LRBA: variants seen among roughly 807,000 people sequenced by gnomAD.
LRBA encodes the protein LPS responsive beige-like anchor protein, also known as lipopolysaccharide-responsive and beige-like anchor protein.
LRBA carries 176 observed loss-of-function variants against 330.0 expected under a neutral mutation model. The ratio of observed to expected loss-of-function variants is 0.53; its 90% confidence interval spans 0.47 to 0.60. The LOEUF (loss-of-function observed/expected upper bound fraction) is 0.60. Among genes scored for constraint, LRBA ranks in the 20% least tolerant of loss-of-function variants. The pLI, the probability that LRBA is intolerant of heterozygous loss-of-function variation, is 0.00. For synonymous variants in LRBA, 1,230 were observed against 1,193.0 expected (o/e 1.03, Z -0.64); for missense variants, 3,259 against 3,444.8 (o/e 0.95, Z 1.35).
At chr4:150,697,922 C>G (rs1024200369) in intron 36 of LRBA, among the ~76,000 whole-genome samples, 5 of 151,898 alleles carry the variant, frequency 3.3e-5, no homozygotes, top group Non-Finnish European at 5.9e-5. Flanking sequence ...AATTTCTGTA[C>G]TCAGCTCTTT....
rs750587114 is a variant in LRBA, at chr4:150,868,205, A to G, written c.2550T>C (p.Phe850=). Residue 850 remains phenylalanine, a synonymous_variant, in exon 21 of 57, where the codon TTT becomes TTC. Transcript: ENST00000651943. ...ACCTCCTGTTTTCTCTACTGTTATTAAAAAGTTTAATCATGTCAGAAAGAA... is the reference window on the plus strand; with the variant it reads ...ACCTCCTGTTTTCTCTACTGTTATTGAAAAGTTTAATCATGTCAGAAAGAA... ...RAFLSDMIKL[F]NNSRENRRSL... 5 of 1,611,900 alleles carry G rather than the reference A, an allele frequency of 3.1e-6. No homozygotes were observed. In the African/African-American group the frequency reaches 4.0e-5, roughly 13 times the overall value.
chr4:150,956,114 T>C (rs1457548562), intron 2 of LRBA, among the ~76,000 whole-genome samples: 1 of 148,502 alleles, frequency 6.7e-6, no homozygotes, highest in African/African-American at 2.6e-5. Flanking sequence ...AACAAAAAAA[T>C]GAAATTGACA....
At chr4:150,285,260 CAG>C (rs1300395198) in intron 54 of LRBA, among the ~76,000 whole-genome samples, 1 of 152,182 alleles carries the variant, frequency 6.6e-6, no homozygotes, top group Admixed American at 6.5e-5. Flanking sequence ...AGAGCAGAGA[CAG>C]AGAGATGGAT....
At chr4:150,589,262 T>C (rs1470165065) in intron 39 of LRBA, among the ~76,000 whole-genome samples, 2 of 152,190 alleles carry the variant, frequency 1.3e-5, no homozygotes, top group African/African-American at 4.8e-5. Flanking sequence ...AAAATTCAGA[T>C]GAATTGACAT....
chr4:151,006,236 A>T (rs1324784828), intron 2 of LRBA, among the ~76,000 whole-genome samples: 1 of 152,188 alleles, frequency 6.6e-6, no homozygotes, highest in Admixed American at 6.5e-5. Context: ...CTGAGGCAGG[A>T]GAATCACTTG....
chr4:150,593,254 A>G (rs1773108849), intron 38 of LRBA, among the ~76,000 whole-genome samples: 1 of 152,186 alleles, frequency 6.6e-6, no homozygotes, highest in Admixed American at 6.5e-5. Context: ...TCTTGGATTT[A>G]TAATTCCTTC....
intron 34 of LRBA, among the ~76,000 whole-genome samples, chr4:150,773,893 T>C (rs1336815075): frequency 6.6e-6 from 1 of 152,164 alleles, no homozygotes; most frequent in East Asian, 1.9e-4. Context: ...ATATTTTAGG[T>C]CTCTTGGACT....
intron 40 of LRBA, among the ~76,000 whole-genome samples, chr4:150,501,458 A>T (rs1760248513): frequency 6.6e-6 from 1 of 152,154 alleles, no homozygotes; most frequent in African/African-American, 2.4e-5. Flanking sequence ...TAAAAAATGC[A>T]AAAATTAGCT....
rs116076278 is a variant in LRBA, at chr4:150,910,473, T to C, written c.1162-1616A>G. On this transcript the variant is annotated intron_variant, in intron 9 of 56. Coordinates refer to ENST00000651943, the MANE Select transcript of LRBA (RefSeq NM_001364905.1). ...CTTGCCTCACTTGTCAAAGATCATT[T>C]GACCGTATATGCAAAAGTTTATTTC... 2.6e-3 allele frequency among the ~76,000 whole-genome samples: 389 copies of C among 152,328 alleles called. 1 individual carries two copies. The highest frequency in any genetic ancestry group is 9.0e-3 in the African/African-American group (374 of 41,594).
chr4:150,816,095 T>C (rs1744550183), intron 31 of LRBA, among the ~76,000 whole-genome samples: 1 of 151,790 alleles, frequency 6.6e-6, no homozygotes, highest in Non-Finnish European at 1.5e-5. Context: ...AGTAGCAATA[T>C]CAAGTTTGGA....
At chr4:150,421,752 C>G (rs575977337) in intron 46 of LRBA, among the ~76,000 whole-genome samples, 1 of 152,114 alleles carries the variant, frequency 6.6e-6, no homozygotes, top group African/African-American at 2.4e-5. Context: ...ACTGAGCACC[C>G]CAGGAAGGTG....
intron 36 of LRBA, among the ~76,000 whole-genome samples, chr4:150,708,540 A>C (rs1394026088): frequency 6.6e-6 from 1 of 151,822 alleles, no homozygotes; most frequent in African/African-American, 2.4e-5. Context: ...GGTATCAAAA[A>C]ATAGAATTGG....
chr4:150,519,508 T>C (rs1322398138), intron 40 of LRBA, among the ~76,000 whole-genome samples: 2 of 152,174 alleles, frequency 1.3e-5, no homozygotes, highest in South Asian at 2.1e-4. Context: ...CGTAAAGTTT[T>C]TGAGGTTGTT....
intron 53 of LRBA, among the ~76,000 whole-genome samples, chr4:150,291,911 A>G (rs1018601380): frequency 6.6e-6 from 1 of 152,230 alleles, no homozygotes; most frequent in Non-Finnish European, 1.5e-5. Flanking sequence ...TGATGAGTTC[A>G]TGTCCTTTGT....
chr4:150,483,440 G>GA (rs1757521834), intron 42 of LRBA, among the ~76,000 whole-genome samples: 2 of 150,500 alleles, frequency 1.3e-5, no homozygotes, highest in Admixed American at 1.3e-4. Flanking sequence ...AAACTATTCT[G>GA]GATATTTACA....
chr4:150,272,532 G>A lies in LRBA; in HGVS notation c.8468+5321C>T, dbSNP rs113432702. Among the ~76,000 whole-genome samples the A allele has an allele frequency of 5.2e-3, 792 of 151,898 alleles. 7 individuals carry two copies. Among genetic ancestry groups the A allele is most frequent in the African/African-American group, 0.018 (741 of 41,420 alleles). On this transcript the variant is annotated intron_variant, in intron 56 of 56. Transcript: ENST00000651943. Reference sequence around the variant, plus strand: ...AAACTCCTCCGAGCTAAAGGATCACGTTCTAATCCAATGCAAGGAAGCTAA... The same window carrying A: ...AAACTCCTCCGAGCTAAAGGATCACATTCTAATCCAATGCAAGGAAGCTAA...
chr4:150,603,713 T>C (rs1254235748), intron 37 of LRBA, among the ~76,000 whole-genome samples: 1 of 152,168 alleles, frequency 6.6e-6, no homozygotes, highest in East Asian at 1.9e-4. Flanking sequence ...TTGCCCAGGC[T>C]GGTTTCGAAC....
intron 47 of LRBA, among the ~76,000 whole-genome samples, 182 bp from the exon 48 acceptor site, chr4:150,350,341 G>A (rs1465420303): frequency 6.6e-6 from 1 of 152,214 alleles, no homozygotes; most frequent in Non-Finnish European, 1.5e-5. Flanking sequence ...GGAGGCCGAG[G>A]TGGGCAGACC....
chr4:150,584,053 A>G (rs1215856940), intron 40 of LRBA: 1 of 1,585,292 alleles, frequency 6.3e-7, no homozygotes, highest in East Asian at 2.2e-5. Context: ...TGCCAAGCAG[A>G]CCTGGAGGTT....
Sources: gnomAD v4.1 joint callset for allele counts (sites outside exome capture counted in the v4.1 genomes callset) on GRCh38, gnomAD v4.1.1 for gene constraint, MANE v1.5 for transcripts, NCBI Gene and HGNC (gene_info 2026-07-23, HGNC 2026-07-21) for gene names.